Variants in AP3B1 observed in about 807,000 individuals in gnomAD.
AP3B1 encodes the protein adaptor related protein complex 3 subunit beta 1.
AP3B1 carries 61 observed loss-of-function variants against 132.5 expected under a neutral mutation model. The ratio of observed to expected loss-of-function variants is 0.46; its 90% CI spans 0.37 to 0.57. AP3B1 has a LOEUF of 0.57. AP3B1 is among the 20% of genes least tolerant of loss of function. AP3B1 has a pLI of 0.00. For synonymous variants in AP3B1, 388 were observed against 438.3 expected (o/e 0.89, Z 1.43); for missense variants, 1,120 against 1,289.4 (o/e 0.87, Z 2.01).
Position 78,002,635 on chromosome 5 carries a change from C to G in AP3B1, c.*267G>C. On this transcript the variant is annotated 3_prime_UTR_variant, in exon 27 of 27. Coordinates refer to ENST00000255194, the MANE Select transcript of AP3B1 (RefSeq NM_003664.5). Reference sequence around the variant, plus strand: ...AAAACGAGGAGGCCAAAAGAAGCAGCAGGACAGAGAAAACGCCACATGGAT... The same window carrying G: ...AAAACGAGGAGGCCAAAAGAAGCAGGAGGACAGAGAAAACGCCACATGGAT... 1.7e-6 allele frequency: 1 copy of G among 593,410 alleles called. No homozygotes were observed. The highest frequency in any genetic ancestry group is 3.0e-6 in the Non-Finnish European group (1 of 334,644). The allele number at this position is 593,410 out of a possible 1,614,324, so 36.8% of individuals were successfully genotyped here. A position where few individuals can be genotyped will look rare whatever the true frequency, so the allele number is the denominator to read the frequency against.
chr5:78,097,257 G>T (rs1221583662), intron 21 of AP3B1, among the ~76,000 whole-genome samples: 2 of 134,330 alleles, frequency 1.5e-5, no homozygotes, highest in Admixed American at 7.1e-5. Flanking sequence ...CCCCCCGCCC[G>T]GCCAGCCACC....
intron 7 of AP3B1, among the ~76,000 whole-genome samples, chr5:78,183,298 G>C (rs531760930): frequency 1.3e-5 from 2 of 152,162 alleles, no homozygotes; most frequent in Non-Finnish European, 2.9e-5. Flanking sequence ...TTCCCTGCTA[G>C]AGTGGTATCA....
chr5:78,221,628 A>G (rs968279143), intron 6 of AP3B1, among the ~76,000 whole-genome samples: 1 of 151,902 alleles, frequency 6.6e-6, no homozygotes, highest in Non-Finnish European at 1.5e-5. Flanking sequence ...AAAAGAACCA[A>G]AAGAATAAAA....
intron 3 of AP3B1, among the ~76,000 whole-genome samples, chr5:78,238,570 A>G (rs1029487363): frequency 8.5e-5 from 13 of 152,072 alleles, no homozygotes; most frequent in African/African-American, 3.1e-4. Flanking sequence ...ACTGTACTCA[A>G]TACTGTAGAT....
chr5:78,039,542 G>C (rs1747962754), intron 22 of AP3B1, among the ~76,000 whole-genome samples: 1 of 152,058 alleles, frequency 6.6e-6, no homozygotes, highest in Non-Finnish European at 1.5e-5. Context: ...TTGGGAGGCC[G>C]AGACGGGGAG....
intron 1 of AP3B1, among the ~76,000 whole-genome samples, chr5:78,272,845 A>C (rs1388613469): frequency 6.6e-6 from 1 of 152,164 alleles, no homozygotes; most frequent in East Asian, 1.9e-4. Context: ...ACTCTGAATA[A>C]ATAAAGAACT....
At position 78,226,597 on chromosome 5, in the gene AP3B1, T is replaced by C. The variant is rs188954566; in HGVS notation, c.536+775A>G. On this transcript the variant is annotated intron_variant, in intron 5 of 26. Coordinates refer to ENST00000255194, the MANE Select transcript of AP3B1 (RefSeq NM_003664.5). ...CTTTAATTATTTGGTATGTCTTTGA[T>C]CTTCTTCCTCAAATACATGATATGC... is the stretch of plus-strand genomic sequence containing the variant. 1.3e-3 allele frequency among the ~76,000 whole-genome samples: 195 copies of C among 152,222 alleles called. No homozygotes were observed. In the Middle Eastern group the frequency reaches 0.014, roughly 11 times the overall value.
At chr5:78,228,030 T>A in intron 4 of AP3B1, 114 bp downstream of exon 4, 1 of 662,158 alleles carries the variant, frequency 1.5e-6, no homozygotes, top group Non-Finnish European at 2.4e-6. Context: ...GGCTTTTAAC[T>A]CTTTCAAGAC....
At chr5:78,120,772 T>C (rs1455208165) in intron 17 of AP3B1, among the ~76,000 whole-genome samples, 1 of 152,272 alleles carries the variant, frequency 6.6e-6, no homozygotes, top group African/African-American at 2.4e-5. Flanking sequence ...CTGTCAACAT[T>C]AAACAGATCA....
chr5:78,023,585 T>C (rs1747203115), intron 24 of AP3B1, among the ~76,000 whole-genome samples: 1 of 151,682 alleles, frequency 6.6e-6, no homozygotes, highest in Non-Finnish European at 1.5e-5. Context: ...AAAAATCATA[T>C]AGGAAAAGAG....
rs773747361 is a variant in AP3B1 at position 78,141,218 on chromosome 5, G to A, written c.1575C>T (p.Phe525=). ...PDVLRKMAKS[F]TSEDDLVKLQ... ...GTTTTACCAGATCATCTTCACTAGT[G>A]AAGCTTTTAGCCATCTTCCTCAAAA... Residue 525 remains phenylalanine, a synonymous_variant, in exon 15 of 27, where the codon TTC becomes TTT. Transcript: ENST00000255194. 6.2e-7 allele frequency: 1 copy of A among 1,613,854 alleles called. No homozygotes were observed. Among genetic ancestry groups the A allele is most frequent in the African/African-American group, 1.3e-5 (1 of 75,022 alleles).
intron 2 of AP3B1, among the ~76,000 whole-genome samples, chr5:78,255,805 C>T (rs1182618793): frequency 6.6e-6 from 1 of 152,102 alleles, no homozygotes; most frequent in East Asian, 1.9e-4. Flanking sequence ...TTTTCCTCAA[C>T]ACATAAATCT....
chr5:78,002,308 T>G (rs1006841364), downstream of AP3B1: 3 of 283,660 alleles, frequency 1.1e-5, no homozygotes, highest in African/African-American at 2.2e-5. Flanking sequence ...AGTTTCTCAT[T>G]AAAAATGCAA....
intron 8 of AP3B1, among the ~76,000 whole-genome samples, chr5:78,177,715 C>T (rs558454938): frequency 8.6e-5 from 13 of 151,818 alleles, no homozygotes; most frequent in African/African-American, 2.2e-4. Context: ...ATCGAATGAA[C>T]GTGTCCTTAT....
chr5:78,218,295 CA>C (rs1281066540), intron 6 of AP3B1, among the ~76,000 whole-genome samples: 1 of 151,770 alleles, frequency 6.6e-6, no homozygotes, highest in Non-Finnish European at 1.5e-5. Context: ...TACTGGTTTC[CA>C]AAAAACAGAC....
At chr5:78,155,467 G>C (rs571635260) in intron 14 of AP3B1, among the ~76,000 whole-genome samples, 1 of 152,070 alleles carries the variant, frequency 6.6e-6, no homozygotes, top group Non-Finnish European at 1.5e-5. Flanking sequence ...CTAAAATTTC[G>C]TGTTCTTGCA....
At chr5:78,011,467 C>T (rs1223969996) in intron 26 of AP3B1, among the ~76,000 whole-genome samples, 1 of 152,220 alleles carries the variant, frequency 6.6e-6, no homozygotes, top group Non-Finnish European at 1.5e-5. Context: ...GATCCTATCA[C>T]TCATTTAGAA....
chr5:78,082,192 T>C (rs1318138882), intron 22 of AP3B1, among the ~76,000 whole-genome samples: 1 of 151,828 alleles, frequency 6.6e-6, no homozygotes, highest in African/African-American at 2.4e-5. Flanking sequence ...ATCAACCCTA[T>C]GTTATTACTG....
chr5:78,133,098 C>T (rs1047873903), intron 15 of AP3B1, among the ~76,000 whole-genome samples: 2 of 152,198 alleles, frequency 1.3e-5, no homozygotes, highest in African/African-American at 4.8e-5. Context: ...ATTCCACCCA[C>T]TGGCAGCCTG....
Sources: gnomAD v4.1 joint callset for allele counts (sites outside exome capture counted in the v4.1 genomes callset) on GRCh38, gnomAD v4.1.1 for gene constraint, MANE v1.5 for transcripts, NCBI Gene and HGNC (gene_info 2026-07-23, HGNC 2026-07-21) for gene names.